Variants in LDHA observed in about 807,000 individuals in gnomAD.
LDHA encodes L-lactate dehydrogenase A chain.
In LDHA, 10 loss-of-function variants were observed where a neutral mutation model predicts 36.3. The ratio of observed to expected loss-of-function variants is 0.28; its 90% CI spans 0.17 to 0.47. LDHA has a LOEUF of 0.47. LDHA is among the 20% of genes least tolerant of loss of function. LDHA has a pLI of 0.99. For missense variants in LDHA, 267 were observed against 405.8 expected (o/e 0.66, Z 2.94); for synonymous variants, 110 against 136.7 (o/e 0.80, Z 1.36).
In LDHA at chr11:18,401,677, T is replaced by C. The variant is rs762662444; in HGVS notation, c.418+667T>C. ...TATTTTTAGTAGAGACGGGGTTTCA[T>C]CAGGTTAGCCAGGATGGTCTCGATC... On this transcript the variant is annotated intron_variant, in intron 4 of 7. Transcript: ENST00000422447. Among the ~76,000 whole-genome samples the C allele has an allele frequency of 1.7e-3, 251 of 150,286 alleles. 1 individual carries two copies. Among genetic ancestry groups the C allele is most frequent in the Middle Eastern group, 3.4e-3 (1 of 290 alleles).
rs6144241 is a variant in LDHA at position 18,400,429 on chromosome 11, CCACACACACACACACACACACACACACA to C, written c.245-382_245-355del. 4.4e-3 allele frequency: 1,276 copies of C among 287,258 alleles called. 5 individuals are homozygous for C. The highest frequency in any genetic ancestry group is 0.01 in the African/African-American group (441 of 42,118). 17.8% of individuals were successfully genotyped at this position (287,258 alleles called of 1,614,324 possible). On this transcript the variant is annotated intron_variant, in intron 3 of 7. Transcript: ENST00000422447. The stretch of plus-strand genomic sequence containing the variant: ...AAAACAAGTCCCCCTACCACCACCA[CCACACACACACACACACACACACACACA>C]CACACACACACACACACACACACAC...
At position 18,394,586 on chromosome 11, in the gene LDHA, T is replaced by C. The variant is rs768412732; in HGVS notation, c.-75T>C. ...GAGTGCTGCAGCCGCTGCCGCCGAT[T>C]CCGGATCTCATTGCCACGCGCCCCC... is the stretch of plus-strand genomic sequence containing the variant. On this transcript the variant is annotated 5_prime_UTR_variant, in exon 1 of 8. Transcript: ENST00000422447. 2.2e-6 allele frequency: 1 copy of C among 454,064 alleles called. No homozygotes were observed. The highest frequency in any genetic ancestry group is 1.6e-5 in the South Asian group (1 of 64,462). 28.1% of individuals were successfully genotyped at this position (454,064 alleles called of 1,614,324 possible).
At chr11:18,405,232 T>C (rs1866643194) in intron 6 of LDHA, among the ~76,000 whole-genome samples, 1 of 152,208 alleles carries the variant, frequency 6.6e-6, no homozygotes, top group Admixed American at 6.5e-5. Flanking sequence ...TTGGAGGACA[T>C]TGGAAAGATT....
Position 18,407,318 on chromosome 11 carries a change from A to G in LDHA, c.*37A>G. 1 of 1,612,274 alleles carries G rather than the reference A, an allele frequency of 6.2e-7. No individual in the cohort carries two copies. The highest frequency in any genetic ancestry group is 1.7e-5 in the Admixed American group (1 of 60,010). Reference sequence around the variant, plus strand: ...GTCATATCATTTCACTGTCTAGGCTACAACAGGATTCTAGGTGGAGGTTGT... The same window carrying G: ...GTCATATCATTTCACTGTCTAGGCTGCAACAGGATTCTAGGTGGAGGTTGT... On this transcript the variant is annotated 3_prime_UTR_variant, in exon 8 of 8. Transcript: ENST00000422447.
Position 18,406,205 on chromosome 11 carries a change from C to T in LDHA, c.834+633C>T, listed in dbSNP as rs1866677059. Among the ~76,000 whole-genome samples the T allele has an allele frequency of 2.0e-5, 3 of 151,912 alleles. No individual in the cohort carries two copies. The South Asian group carries it at 6.2e-4, about 32-fold the overall frequency. The stretch of plus-strand genomic sequence containing the variant: ...GGTCTCGAACTCCTGACCTTGTGAT[C>T]CACCCGCCTCGGCCTCCCCGAATGC... On this transcript the variant is annotated intron_variant, in intron 7 of 7. Coordinates refer to ENST00000422447, the MANE Select transcript of LDHA (RefSeq NM_005566.4).
Position 18,403,792 on chromosome 11 carries a change from C to T in LDHA, c.691C>T (p.His231Tyr). Residue 231 changes from histidine (H) to tyrosine (Y), a missense_variant, in exon 6 of 8, where the codon CAC becomes TAC. By Grantham distance (83) the His-to-Tyr change is moderately conservative. Coordinates refer to ENST00000422447, the MANE Select transcript of LDHA (RefSeq NM_005566.4). ...DKDKEQWKEV[H>Y]KQVVESAYEV... ...AGATAAGGAACAGTGGAAAGAGGTT[C>T]ACAAGCAGGTGGTTGAGAGGTAATA... is the stretch of plus-strand genomic sequence containing the variant. 1.3e-6 allele frequency: 2 copies of T among 1,592,186 alleles called. No homozygotes were observed. Among genetic ancestry groups the T allele is most frequent in the Non-Finnish European group, 1.7e-6 (2 of 1,160,162 alleles).
chr11:18,398,629 T>TTTTTTTTTTTC lies in LDHA; in HGVS notation c.127-802_127-801insTTTTTTTTTTC, dbSNP rs1554960741. On this transcript the variant is annotated intron_variant, in intron 2 of 7. Coordinates refer to ENST00000422447, the MANE Select transcript of LDHA (RefSeq NM_005566.4). ...TTTTTTTTTTTTTTTTTTTTTTTTT[T>TTTTTTTTTTTC]CTGAGAAGGAGTCTCGCCGTGTCGC... 39 of 87,660 alleles carry TTTTTTTTTTTC rather than the reference T, an allele frequency of 4.4e-4. 5 individuals are homozygous for TTTTTTTTTTTC. Among genetic ancestry groups the TTTTTTTTTTTC allele is most frequent in the African/African-American group, 1.6e-3 (39 of 24,548 alleles). The allele number at this position is 87,660 out of a possible 1,614,324, so 5.4% of individuals were successfully genotyped here.
intron 3 of LDHA, chr11:18,399,952 A>G (rs1866423939): frequency 5.1e-6 from 1 of 195,956 alleles, no homozygotes; most frequent in African/African-American, 2.3e-5. Context: ...TTTTGTTTTA[A>G]ATGCCGGGTG....
At chr11:18,396,216 A>AATGCGC (rs1279187315) in intron 1 of LDHA, 5 of 275,522 alleles carry the variant, frequency 1.8e-5, no homozygotes, top group African/African-American at 8.7e-5. Context: ...TGCGCGCTGT[A>AATGCGC]ATGCGCATGC....
chr11:18,399,865 G>T (rs1017992948), intron 3 of LDHA: 3 of 328,354 alleles, frequency 9.1e-6, no homozygotes, highest in African/African-American at 4.3e-5. Context: ...GAAGTACTGG[G>T]ATTGCAGGTG....
At position 18,396,975 on chromosome 11, in the gene LDHA, G is replaced by A; in HGVS notation, c.126+7G>A. 1.2e-6 allele frequency: 2 copies of A among 1,613,950 alleles called. No individual in the cohort carries two copies. The highest frequency in any genetic ancestry group is 1.7e-6 in the Non-Finnish European group (2 of 1,179,866). On this transcript the variant is annotated splice_region_variant and intron_variant, in intron 2 of 7. Coordinates refer to ENST00000422447, the MANE Select transcript of LDHA (RefSeq NM_005566.4). ...CATCAGTATCTTAATGAAGGTAAGT[G>A]AGAGTCTACCACACTGGAAGCCCAT...
rs890773187 is a variant in LDHA, at chr11:18,406,436, G to T, written c.835-681G>T. Among the ~76,000 whole-genome samples the T allele has an allele frequency of 3.0e-4, 12 of 39,374 alleles. No homozygotes were observed. The Admixed American group carries it at 3.1e-3, about 10-fold the overall frequency. 25.8% of individuals were successfully genotyped at this position (39,374 alleles called of 152,430 possible). A position where few individuals can be genotyped will look rare whatever the true frequency, so the allele number is the denominator to read the frequency against. On this transcript the variant is annotated intron_variant, in intron 7 of 7. Transcript: ENST00000422447. ...TGTTAAAAAAAAAAAAAAAAAAAAA[G>T]GCCATGTGCGGGCAGCTGATGCCTG...
chr11:18,396,092 G>A (rs1802729715), intron 1 of LDHA, among the ~76,000 whole-genome samples: 1 of 152,276 alleles, frequency 6.6e-6, no homozygotes, highest in Non-Finnish European at 1.5e-5. Flanking sequence ...CACCCACTGA[G>A]CTGCATAGCT....
intron 1 of LDHA, among the ~76,000 whole-genome samples, chr11:18,395,478 A>G (rs1047516337): frequency 2.0e-5 from 3 of 152,122 alleles, no homozygotes; most frequent in African/African-American, 7.2e-5. Flanking sequence ...CATTAAAGGT[A>G]GCATTGGATC....
chr11:18,407,471 G>A lies in LDHA; in HGVS notation c.*190G>A. On this transcript the variant is annotated 3_prime_UTR_variant, in exon 8 of 8. Coordinates refer to ENST00000422447, the MANE Select transcript of LDHA (RefSeq NM_005566.4). ...AAATCCACAGCTATATCCTGATGCT[G>A]GATGGTATTAATCTTGTGTAGTCTT... The A allele has an allele frequency of 8.6e-7, 1 of 1,164,772 alleles. No homozygotes were observed. The highest frequency in any genetic ancestry group is 2.0e-5 in the Admixed American group (1 of 50,502). 72.2% of individuals were successfully genotyped at this position (1,164,772 alleles called of 1,614,324 possible).
intron 4 of LDHA, among the ~76,000 whole-genome samples, chr11:18,401,571 G>A (rs866777054): frequency 9.5e-4 from 119 of 125,462 alleles, no homozygotes; most frequent in African/African-American, 3.3e-3. Context: ...TCCGCCTCCC[G>A]GGTTCATGCC....
In LDHA at chr11:18,407,200, G is replaced by A; in HGVS notation, c.918G>A (p.Val306=). Residue 306 remains valine, a synonymous_variant, in exon 8 of 8, where the codon GTG becomes GTA. Transcript: ENST00000422447. ...GQNGISDLVK[V]TLTSEEEARL... Reference sequence around the variant, plus strand: ...ATGGAATCTCAGACCTTGTGAAGGTGACTCTGACTTCTGAGGAAGAGGCCC... The same window carrying A: ...ATGGAATCTCAGACCTTGTGAAGGTAACTCTGACTTCTGAGGAAGAGGCCC... 6.2e-7 allele frequency: 1 copy of A among 1,613,460 alleles called. No individual in the cohort carries two copies. The highest frequency in any genetic ancestry group is 8.5e-7 in the Non-Finnish European group (1 of 1,179,852).
intron 7 of LDHA, among the ~76,000 whole-genome samples, chr11:18,406,215 C>T (rs906404454): frequency 2.6e-5 from 4 of 152,050 alleles, no homozygotes; most frequent in Admixed American, 6.6e-5. Context: ...CCACCCGCCT[C>T]GGCCTCCCCG....
intron 1 of LDHA, chr11:18,396,448 A>G: frequency 2.1e-6 from 1 of 487,314 alleles, no homozygotes; most frequent in Non-Finnish European, 3.3e-6. Context: ...TCTGGTGTTT[A>G]CTTGAGAAGC....
Sources: allele counts gnomAD v4.1 joint callset (sites outside exome capture counted in the v4.1 genomes callset), GRCh38; gene constraint gnomAD v4.1.1; transcripts MANE v1.5; gene names NCBI Gene and HGNC (gene_info 2026-07-23, HGNC 2026-07-21).